The following SLC13A2 variants were observed in gnomAD, a reference collection of about 807,000 sequenced individuals.
The protein encoded by SLC13A2 is solute carrier family 13 member 2.
A neutral mutation model predicts 58.5 loss-of-function variants in SLC13A2; 40 were observed. The observed-to-expected ratio is 0.68, with a 90% CI of 0.53 to 0.89. SLC13A2 has a LOEUF of 0.89. SLC13A2 is among the 40% of genes least tolerant of loss of function. The pLI, the probability that SLC13A2 is intolerant of heterozygous loss-of-function variation, is 0.00. For synonymous variants in SLC13A2, 341 were observed against 331.6 expected (o/e 1.03, Z -0.31); for missense variants, 694 against 772.6 (o/e 0.90, Z 1.21).
Position 28,494,529 on chromosome 17 carries a change from C to A in SLC13A2, c.1308+17C>A. 6.2e-7 allele frequency: 1 copy of A among 1,613,754 alleles called. No individual in the cohort carries two copies. Among genetic ancestry groups the A allele is most frequent in the East Asian group, 2.2e-5 (1 of 44,858 alleles). On this transcript the variant is annotated intron_variant, in intron 9 of 11. Coordinates refer to ENST00000314669, the MANE Select transcript of SLC13A2 (RefSeq NM_003984.4). The surrounding 1 kb of genome is among the most constrained non-coding windows in gnomAD (Gnocchi z 4.0). ...GGCAGTGAGGTGAGAGGCCCCCAGC[C>A]CCCTCCTCAGCCTGTGTGAGGGTGT...
chr17:28,490,194 A>G, intron 2 of SLC13A2: 1 of 1,028,918 alleles, frequency 9.7e-7, no homozygotes, highest in Non-Finnish European at 1.4e-6. Context: ...GGATGGTTTG[A>G]GCCAAGGAGG....
chr17:28,476,555 C>T (rs1312606551), intron 1 of SLC13A2, among the ~76,000 whole-genome samples: 1 of 152,080 alleles, frequency 6.6e-6, no homozygotes, highest in African/African-American at 2.4e-5. Flanking sequence ...CACTCTCCCC[C>T]ACCCTCACCA....
At chr17:28,490,354 C>G in intron 2 of SLC13A2, 100 bp from the exon 3 acceptor site, 2 of 1,613,402 alleles carry the variant, frequency 1.2e-6, no homozygotes. Flanking sequence ...CAGGGGAATG[C>G]CAGTCTGTGG....
chr17:28,473,952 T>C (rs1555599460), intron 1 of SLC13A2, 138 bp downstream of exon 1: 1 of 711,238 alleles, frequency 1.4e-6, no homozygotes, highest in East Asian at 2.8e-5. Context: ...CGCCCCCTGC[T>C]CCTCCTGAGG....
intron 1 of SLC13A2, among the ~76,000 whole-genome samples, chr17:28,476,854 A>G (rs1555600028): frequency 6.6e-6 from 1 of 151,952 alleles, no homozygotes; most frequent in African/African-American, 2.4e-5. Context: ...CACAAAGTAG[A>G]TGTTCAAAAA....
chr17:28,493,783 G>A lies in SLC13A2; in HGVS notation c.1091G>A (p.Gly364Glu), dbSNP rs1490859797. 2.5e-6 allele frequency: 4 copies of A among 1,614,054 alleles called. No homozygotes were observed. Among genetic ancestry groups the A allele is most frequent in the Non-Finnish European group, 3.4e-6 (4 of 1,180,038 alleles). Residue 364 changes from glycine to glutamate, a missense_variant, in exon 7 of 12, where the codon GGG becomes GAG. By Grantham distance (98) the Gly-to-Glu change is moderately conservative. Transcript: ENST00000314669. The part of the protein sequence containing the change: ...WGNLAFPNAK[G>E]ESMVSDGTVA... ...AATTTGGCTTTTCCCAATGCCAAGG[G>A]GGAGAGGTGAGAGTTGCAGGGGTTG...
intron 1 of SLC13A2, among the ~76,000 whole-genome samples, chr17:28,482,470 G>T (rs1326305019): frequency 2.6e-5 from 4 of 152,044 alleles, no homozygotes; most frequent in Admixed American, 2.6e-4. Context: ...GGGGATCCTG[G>T]TACCAAAAAA....
intron 1 of SLC13A2, among the ~76,000 whole-genome samples, chr17:28,483,393 TGAG>T (rs1240456718): frequency 6.6e-6 from 1 of 151,972 alleles, no homozygotes; most frequent in African/African-American, 2.4e-5. Flanking sequence ...TCTGGAAGGC[TGAG>T]GAGAGAGGAT....
At chr17:28,486,147 C>T (rs2068876567) in intron 1 of SLC13A2, among the ~76,000 whole-genome samples, 1 of 152,124 alleles carries the variant, frequency 6.6e-6, no homozygotes, top group Non-Finnish European at 1.5e-5. Context: ...CTTGCTAGTA[C>T]ATTAGGTAAG....
In SLC13A2 at chr17:28,494,036, G is replaced by A; in HGVS notation, c.1117G>A (p.Val373Met). The A allele has an allele frequency of 1.2e-6, 2 of 1,614,114 alleles. No homozygotes were observed. The highest frequency in any genetic ancestry group is 1.7e-4 in the Middle Eastern group (1 of 6,060). ...KGESMVSDGTVAIFIGIIMFI... is the reference protein window; with the variant it reads ...KGESMVSDGTMAIFIGIIMFI... ...CAACAGCATGGTGTCCGATGGGACA[G>A]TGGCCATCTTCATCGGCATAATTAT... The change falls in exon 8 of 12, where the codon GTG becomes ATG. Residue 373 changes from valine (V) to methionine (M), a missense_variant. Physicochemically the swap from Val to Met is conservative, Grantham distance 21. Coordinates refer to ENST00000314669, the MANE Select transcript of SLC13A2 (RefSeq NM_003984.4). This position sits in a 1 kb window ranked among gnomAD's most constrained non-coding sequence, Gnocchi z 4.0.
intron 1 of SLC13A2, among the ~76,000 whole-genome samples, chr17:28,477,327 G>A (rs2068697328): frequency 6.6e-6 from 1 of 151,064 alleles, no homozygotes; most frequent in Admixed American, 6.6e-5. Context: ...CCGAGTAGCT[G>A]GGACTACAGT....
At chr17:28,492,393 G>C (rs2069046500) in intron 6 of SLC13A2, among the ~76,000 whole-genome samples, 1 of 152,224 alleles carries the variant, frequency 6.6e-6, no homozygotes, top group African/African-American at 2.4e-5. Context: ...GAAGATTCCA[G>C]AACACCATGG....
At chr17:28,493,098 T>C (rs1180213037) in intron 6 of SLC13A2, among the ~76,000 whole-genome samples, 1 of 152,168 alleles carries the variant, frequency 6.6e-6, no homozygotes, top group Non-Finnish European at 1.5e-5. Context: ...AAGTTAAATG[T>C]CAACACAAGT....
intron 1 of SLC13A2, among the ~76,000 whole-genome samples, chr17:28,480,832 A>T (rs1555600990): frequency 6.6e-6 from 1 of 152,150 alleles, no homozygotes; most frequent in Non-Finnish European, 1.5e-5. Context: ...AGGGCCTCAG[A>T]TGTTCCCACC....
intron 10 of SLC13A2, 109 bp downstream of exon 10, chr17:28,495,925 T>A (rs2069133681): frequency 7.4e-7 from 1 of 1,343,026 alleles, no homozygotes; most frequent in Non-Finnish European, 1.0e-6. Flanking sequence ...TCTTTTCCTT[T>A]TCCTGAAGAG....
In SLC13A2 at chr17:28,494,085, C is replaced by T; in HGVS notation, c.1166C>T (p.Pro389Leu). ...ATGTTCATCATACCCTCCAAGTTCCCAGGGCTGACCCAGGACCCAGGTAAG... is the reference window on the plus strand; with the variant it reads ...ATGTTCATCATACCCTCCAAGTTCCTAGGGCTGACCCAGGACCCAGGTAAG... ...IIMFIIPSKFPGLTQDPENPG... is the reference protein window; with the variant it reads ...IIMFIIPSKFLGLTQDPENPG... The change falls in exon 8 of 12, where the codon CCA becomes CTA. Residue 389 changes from proline to leucine, a missense_variant. Transcript: ENST00000314669. The surrounding 1 kb of genome is among the most constrained non-coding windows in gnomAD (Gnocchi z 4.0). The T allele has an allele frequency of 6.2e-7, 1 of 1,614,170 alleles. No homozygotes were observed. The highest frequency in any genetic ancestry group is 8.5e-7 in the Non-Finnish European group (1 of 1,180,016).
At chr17:28,477,253 G>C (rs1279254696) in intron 1 of SLC13A2, among the ~76,000 whole-genome samples, 4 of 144,764 alleles carry the variant, frequency 2.8e-5, no homozygotes, top group African/African-American at 1.0e-4. Context: ...GAGTGCAGTG[G>C]CACAATCTTG....
chr17:28,495,623 G>A, intron 9 of SLC13A2, 32 bp from the exon 10 acceptor site: 11 of 1,595,714 alleles, frequency 6.9e-6, no homozygotes, highest in Non-Finnish European at 8.5e-6. Context: ...AGGCAGCCTT[G>A]CCTCTCACAT....
At chr17:28,484,173 T>A (rs1195193054) in intron 1 of SLC13A2, among the ~76,000 whole-genome samples, 4 of 152,192 alleles carry the variant, frequency 2.6e-5, no homozygotes, top group African/African-American at 9.7e-5. Context: ...CAACAAAGAT[T>A]GATACTCATC....
Sources: gnomAD v4.1 joint callset for allele counts (sites outside exome capture counted in the v4.1 genomes callset) on GRCh38, gnomAD v4.1.1 for gene constraint, Gnocchi (gnomAD v3.1) non-coding constraint, MANE v1.5 for transcripts, NCBI Gene and HGNC (gene_info 2026-07-23, HGNC 2026-07-21) for gene names.